Variants in SLMAP observed in about 807,000 individuals in gnomAD.
SLMAP encodes sarcolemma associated protein.
In SLMAP, 44 loss-of-function variants were observed where a neutral mutation model predicts 128.8. That is an observed-to-expected ratio of 0.34 (90% CI 0.27 to 0.44). The LOEUF (loss-of-function observed/expected upper bound fraction) is 0.44. Among genes scored for constraint, SLMAP ranks in the 20% least tolerant of loss-of-function variants. The pLI is 1.00. For missense variants in SLMAP, 787 were observed against 985.3 expected, an observed-to-expected ratio of 0.80 and a Z score of 2.69; for synonymous variants, 327 against 348.8, an observed-to-expected ratio of 0.94 and a Z score of 0.70.
intron 17 of SLMAP, 144 bp downstream of exon 17, chr3:57,897,076 T>C: frequency 2.1e-6 from 3 of 1,414,698 alleles, no homozygotes; most frequent in Non-Finnish European, 2.8e-6. Flanking sequence ...GACTAAAAAT[T>C]TAAAGTTTTG....
intron 2 of SLMAP, among the ~76,000 whole-genome samples, chr3:57,816,991 A>G (rs923913855): frequency 4.6e-5 from 7 of 152,206 alleles, no homozygotes; most frequent in African/African-American, 1.7e-4. Context: ...AAAGAGGAAG[A>G]TTAGGTTAGA....
At chr3:57,814,991 A>AC (rs1356352953) in intron 2 of SLMAP, among the ~76,000 whole-genome samples, 1 of 151,446 alleles carries the variant, frequency 6.6e-6, no homozygotes, top group East Asian at 1.9e-4. Flanking sequence ...TGTCTCAAAA[A>AC]CCCCCCAAAA....
intron 2 of SLMAP, among the ~76,000 whole-genome samples, chr3:57,827,417 T>G (rs190636223): frequency 1.8e-4 from 28 of 152,364 alleles, no homozygotes; most frequent in Admixed American, 1.7e-3. Context: ...GCTGTTCCTG[T>G]GTCATTGAAG....
rs35541333 is a variant in SLMAP, at chr3:57,885,771, C to CTTTTTTTTTTTTTTTTTTTTTTTTT, written c.1301-4264_1301-4240dup. Among the ~76,000 whole-genome samples the CTTTTTTTTTTTTTTTTTTTTTTTTT allele has an allele frequency of 5.6e-5, 3 of 53,574 alleles. 1 individual carries two copies. The highest frequency in any genetic ancestry group is 8.0e-5 in the African/African-American group (1 of 12,464). The allele number at this position is 53,574 out of a possible 152,430, so 35.1% of individuals were successfully genotyped here. ...TTGTTTTGCTTTTCGGTTTTTGGTT[C>CTTTTTTTTTTTTTTTTTTTTTTTTT]TTTTTTTTTTTTTTTTTTTTTTTTT... is the stretch of plus-strand genomic sequence containing the variant. On this transcript the variant is annotated intron_variant, in intron 14 of 24. Coordinates refer to ENST00000671191, the MANE Select transcript of SLMAP (RefSeq NM_001377540.1).
At chr3:57,801,446 TC>T (rs1030026265) in intron 2 of SLMAP, 1 of 152,728 alleles carries the variant, frequency 6.5e-6, no homozygotes, top group Non-Finnish European at 1.5e-5. Context: ...CTAGCTGGCT[TC>T]TGGGTGAGCC....
chr3:57,815,184 G>C (rs1215613238), intron 2 of SLMAP, among the ~76,000 whole-genome samples: 1 of 152,084 alleles, frequency 6.6e-6, no homozygotes. Context: ...TTCACAATAG[G>C]GTTTGCACTT....
intron 2 of SLMAP, among the ~76,000 whole-genome samples, chr3:57,781,835 C>T (rs958536424): frequency 6.9e-6 from 1 of 144,656 alleles, no homozygotes; most frequent in Non-Finnish European, 1.5e-5. Flanking sequence ...CAGGTTCAAG[C>T]AATTCTCCTT....
intron 2 of SLMAP, among the ~76,000 whole-genome samples, chr3:57,777,535 T>A (rs1011884183): frequency 6.6e-6 from 1 of 152,028 alleles, no homozygotes; most frequent in African/African-American, 2.4e-5. Context: ...TAATGTGCTT[T>A]GATGGTGCCT....
At chr3:57,909,412 G>T (rs892129035) in intron 19 of SLMAP, among the ~76,000 whole-genome samples, 6 of 150,846 alleles carry the variant, frequency 4.0e-5, no homozygotes, top group African/African-American at 1.5e-4. Context: ...TGAGGCAGGA[G>T]AATTGCTTGA....
At chr3:57,905,754 A>G (rs1042910372) in intron 17 of SLMAP, among the ~76,000 whole-genome samples, 2 of 152,040 alleles carry the variant, frequency 1.3e-5, no homozygotes, top group Non-Finnish European at 2.9e-5. Flanking sequence ...TGTGTATAAA[A>G]TTTTTTTTGA....
At chr3:57,844,240 A>G (rs750435592) in intron 4 of SLMAP, among the ~76,000 whole-genome samples, 11 of 151,974 alleles carry the variant, frequency 7.2e-5, no homozygotes, top group African/African-American at 1.2e-4. Flanking sequence ...TAAAAATACA[A>G]AAAATTAGCC....
At chr3:57,861,183 G>A (rs2095042551) in intron 9 of SLMAP, among the ~76,000 whole-genome samples, 1 of 151,566 alleles carries the variant, frequency 6.6e-6, no homozygotes, top group Non-Finnish European at 1.5e-5. Flanking sequence ...AGGGGGGTCA[G>A]TGTAAGGCCA....
intron 21 of SLMAP, among the ~76,000 whole-genome samples, chr3:57,915,775 G>A (rs1325112674): frequency 6.6e-6 from 1 of 152,186 alleles, no homozygotes; most frequent in Non-Finnish European, 1.5e-5. Context: ...GGCTACGGAA[G>A]AAGGAATTGA....
At position 57,865,261 on chromosome 3, in the gene SLMAP, CT is replaced by C; in HGVS notation, c.1208del (p.Leu403TyrfsTer4). The C allele has an allele frequency of 6.7e-7, 1 of 1,488,964 alleles. No individual in the cohort carries two copies. The highest frequency in any genetic ancestry group is 9.1e-7 in the Non-Finnish European group (1 of 1,097,228). 92.2% of individuals were successfully genotyped at this position (1,488,964 alleles called of 1,614,324 possible). ...SSLGIQVDDF[L>X]PKINGSTEKE... Reference sequence around the variant, plus strand: ...TCCTAGGGATACAAGTTGATGACTTCTTACCTAAAATAAATGGGAGCACAGA... The same window carrying C: ...TCCTAGGGATACAAGTTGATGACTTCTACCTAAAATAAATGGGAGCACAGA... On this transcript the variant is annotated frameshift_variant, in exon 13 of 25. Coordinates refer to ENST00000671191, the MANE Select transcript of SLMAP (RefSeq NM_001377540.1). LOFTEE classifies it high-confidence loss of function.
At chr3:57,873,670 T>C (rs202153463) in intron 14 of SLMAP, among the ~76,000 whole-genome samples, 1 of 151,978 alleles carries the variant, frequency 6.6e-6, no homozygotes, top group African/African-American at 2.4e-5. Context: ...TAAAAGAATA[T>C]CTAATCTAAA....
chr3:57,780,295 C>A (rs1336054524), intron 2 of SLMAP, among the ~76,000 whole-genome samples: 1 of 151,986 alleles, frequency 6.6e-6, no homozygotes, highest in East Asian at 1.9e-4. Context: ...TACAGGTGCA[C>A]ACCATCACAC....
rs1466959174 is a variant in SLMAP, at chr3:57,917,043, A to T, written c.2276A>T (p.Lys759Met). 6.2e-7 allele frequency: 1 copy of T among 1,613,980 alleles called. No homozygotes were observed. Among genetic ancestry groups the T allele is most frequent in the Non-Finnish European group, 8.5e-7 (1 of 1,179,930 alleles). Residue 759 changes from lysine to methionine, a missense_variant, in exon 22 of 25, where the codon AAG (lysine) becomes ATG (methionine). Around this residue, in one of 2 missense-constraint regions of SLMAP, gnomAD observed 715 missense variants for 843.6 expected, o/e 0.85. Coordinates refer to ENST00000671191, the MANE Select transcript of SLMAP (RefSeq NM_001377540.1). ...DSADLKTLLS[K>M]AENQAKDVQK... ...GCTGATTTAAAAACTCTTCTCAGTA[A>T]GGCAGAAAACCAAGCAAAGGATGTG...
In SLMAP at chr3:57,927,440, C is replaced by G; in HGVS notation, c.*151C>G. On this transcript the variant is annotated 3_prime_UTR_variant, in exon 25 of 25. Coordinates refer to ENST00000671191, the MANE Select transcript of SLMAP (RefSeq NM_001377540.1). Reference sequence around the variant, plus strand: ...CCTCCCTCTAGAAGCTGGCATCACACTCATGCTGGGGACAAACAGAACCAT... The same window carrying G: ...CCTCCCTCTAGAAGCTGGCATCACAGTCATGCTGGGGACAAACAGAACCAT... 1 of 1,129,722 alleles carries G rather than the reference C, an allele frequency of 8.9e-7. No individual in the cohort carries two copies. The highest frequency in any genetic ancestry group is 1.3e-6 in the Non-Finnish European group (1 of 775,900). The allele number at this position is 1,129,722 out of a possible 1,614,324, so 70.0% of individuals were successfully genotyped here.
At chr3:57,890,818 T>C (rs964781093) in intron 15 of SLMAP, 4 of 152,216 alleles carry the variant, frequency 2.6e-5, no homozygotes. Flanking sequence ...TCACAGTCCT[T>C]TTGGCCAATT....
Sources: gnomAD v4.1 joint callset for allele counts (sites outside exome capture counted in the v4.1 genomes callset) on GRCh38, gnomAD v4.1.1 for gene constraint, gnomAD v4.1.1 regional missense constraint, MANE v1.5 for transcripts, NCBI Gene and HGNC (gene_info 2026-07-23, HGNC 2026-07-21) for gene names.